Variants in DMD observed in about 807,000 individuals in gnomAD.
DMD encodes mutant dystrophin.
Under a neutral mutation model 330.1 loss-of-function variants are expected in DMD, and 63 were observed. That is an observed-to-expected ratio of 0.19 (90% CI 0.16 to 0.24). DMD has a LOEUF of 0.24. Among genes scored for constraint, DMD ranks in the 10% least tolerant of loss-of-function variants. The probability of loss-of-function intolerance (pLI) is 1.00; values close to 1 mark genes in which losing one functional copy is unlikely to be tolerated. For synonymous variants in DMD, 1,223 were observed against 959.8 expected, an observed-to-expected ratio of 1.27 and a Z score of -5.07; for missense variants, 3,344 against 2,684.1, an observed-to-expected ratio of 1.25 and a Z score of -5.43.
intron 5 of DMD, among the ~76,000 whole-genome samples, chrX:32,820,575 A>T (rs1231159726): frequency 8.9e-6 from 1 of 112,397 alleles, no homozygotes; most frequent in Non-Finnish European, 1.9e-5. Flanking sequence ...GGATATTTTT[A>T]AAAATGGTAA....
chrX:31,603,297 T>A (rs1307629151), intron 55 of DMD, among the ~76,000 whole-genome samples: 3 of 111,561 alleles, frequency 2.7e-5, no homozygotes, highest in African/African-American at 9.8e-5. Context: ...TTGTTTATTG[T>A]GCAGCAAAAT....
At chrX:32,788,707 A>C (rs112668494) in intron 7 of DMD, among the ~76,000 whole-genome samples, 3,889 of 107,740 alleles carry the variant, frequency 0.036, 57 homozygotes, top group Non-Finnish European at 0.051. Context: ...AATTCAACCT[A>C]TTTATGGCAT....
At chrX:31,515,752 C>T (rs1031290159) in intron 55 of DMD, among the ~76,000 whole-genome samples, 11 of 111,571 alleles carry the variant, frequency 9.9e-5, no homozygotes, top group Non-Finnish European at 1.9e-4. Flanking sequence ...CATCAGTAGC[C>T]CTTGAAGGCA....
chrX:32,408,483 C>T (rs1704206007), intron 30 of DMD, among the ~76,000 whole-genome samples: 1 of 111,587 alleles, frequency 9.0e-6, no homozygotes. Flanking sequence ...TCCTTAGTGC[C>T]ATAGCTTTTA....
chrX:32,809,919 CAAAAAAAAAAAAAA>C (rs55898363), intron 6 of DMD, among the ~76,000 whole-genome samples: 217 of 28,662 alleles, frequency 7.6e-3, no homozygotes, highest in African/African-American at 0.025. Context: ...TTGTTTCTAC[CAAAAAAAAAAAAAA>C]AAAAAAAAAA....
At chrX:32,160,966 T>C (rs920872701) in intron 44 of DMD, among the ~76,000 whole-genome samples, 1 of 111,751 alleles carries the variant, frequency 8.9e-6, no homozygotes, top group African/African-American at 3.3e-5. Flanking sequence ...CCTACTTATG[T>C]GGAGTCTCTG....
chrX:33,009,307 C>CAT lies in DMD; in HGVS notation c.93+10830_93+10831dup, dbSNP rs763859983. Among the ~76,000 whole-genome samples, 10 of 24,623 alleles carry CAT rather than the reference C, an allele frequency of 4.1e-4. 1 individual carries two copies. Among genetic ancestry groups the CAT allele is most frequent in the African/African-American group, 1.6e-3 (10 of 6,232 alleles). 21.4% of individuals were successfully genotyped at this position (24,623 alleles called of 115,157 possible). A position where few individuals can be genotyped will look rare whatever the true frequency, so the allele number is the denominator to read the frequency against. On this transcript the variant is annotated intron_variant, in intron 2 of 78. Coordinates refer to ENST00000357033, the MANE Select transcript of DMD (RefSeq NM_004006.3). ...GTATGTGTGTATATGTGTATATACA[C>CAT]ATGTGTGTATATGTGTATATGTGTA...
At chrX:32,300,666 C>T (rs2097519510) in intron 42 of DMD, among the ~76,000 whole-genome samples, 1 of 111,276 alleles carries the variant, frequency 9.0e-6, no homozygotes, top group African/African-American at 3.3e-5. Flanking sequence ...GACTCACATG[C>T]ATGGCAAAGG....
intron 2 of DMD, among the ~76,000 whole-genome samples, chrX:32,890,192 T>G (rs2085062462): frequency 9.0e-6 from 1 of 111,297 alleles, no homozygotes; most frequent in Non-Finnish European, 1.9e-5. Context: ...AGAAGCAGCC[T>G]GCAAATGTGA....
At chrX:32,332,469 T>G in intron 41 of DMD, among the ~76,000 whole-genome samples, 1 of 99,294 alleles carries the variant, frequency 1.0e-5, no homozygotes, top group South Asian at 4.4e-4. Flanking sequence ...ATGAGAAAGA[T>G]TCATTGAAAA....
At chrX:31,214,996 C>T (rs1235229498) in intron 64 of DMD, among the ~76,000 whole-genome samples, 1 of 81,154 alleles carries the variant, frequency 1.2e-5, no homozygotes, top group African/African-American at 4.9e-5. Context: ...GGCTGGAGGA[C>T]AGTGGCGCGA....
At chrX:32,049,339 G>T (rs1324882103) in intron 44 of DMD, among the ~76,000 whole-genome samples, 1 of 111,498 alleles carries the variant, frequency 9.0e-6, no homozygotes, top group Non-Finnish European at 1.9e-5. Context: ...TCCATTGTTG[G>T]TAAGGGGTGC....
intron 63 of DMD, among the ~76,000 whole-genome samples, chrX:31,248,179 C>A (rs777109078): frequency 7.1e-5 from 8 of 112,206 alleles, no homozygotes; most frequent in Non-Finnish European, 1.3e-4. Context: ...AATGCTGTTG[C>A]ACACTTACTA....
chrX:31,378,347 C>A (rs750241939), intron 60 of DMD, among the ~76,000 whole-genome samples: 17 of 111,105 alleles, frequency 1.5e-4, no homozygotes, highest in African/African-American at 5.2e-4. Context: ...ACTCTCTCCT[C>A]CAACCTCTCA....
At chrX:31,264,505 A>G (rs1171048381) in intron 62 of DMD, among the ~76,000 whole-genome samples, 1 of 112,073 alleles carries the variant, frequency 8.9e-6, no homozygotes, top group Non-Finnish European at 1.9e-5. Flanking sequence ...TAATCCTTAA[A>G]ACGCTCTTTA....
chrX:32,295,222 G>A (rs1445318556), intron 42 of DMD, among the ~76,000 whole-genome samples: 1 of 111,813 alleles, frequency 8.9e-6, no homozygotes, highest in Non-Finnish European at 1.9e-5. Context: ...AAAGGCATCT[G>A]TACACGAATT....
intron 50 of DMD, among the ~76,000 whole-genome samples, chrX:31,818,284 A>C (rs1395965482): frequency 1.8e-5 from 2 of 112,258 alleles, no homozygotes; most frequent in African/African-American, 3.2e-5. Context: ...CTTTTATTCT[A>C]TGCTGTACTC....
intron 48 of DMD, among the ~76,000 whole-genome samples, chrX:31,845,373 A>C (rs2093399786): frequency 2.0e-5 from 1 of 50,216 alleles, no homozygotes; most frequent in Non-Finnish European, 4.1e-5. Context: ...GGACAGAATA[A>C]AGTCTCTCTC....
chrX:32,628,663 C>A (rs1400644662), intron 11 of DMD, among the ~76,000 whole-genome samples: 3 of 110,494 alleles, frequency 2.7e-5, no homozygotes, highest in Admixed American at 1.9e-4. Context: ...TACCTATAAA[C>A]TTTCCTCATA....
Sources: gnomAD v4.1 joint callset for allele counts (sites outside exome capture counted in the v4.1 genomes callset) on GRCh38, gnomAD v4.1.1 for gene constraint, MANE v1.5 for transcripts, NCBI Gene and HGNC (gene_info 2026-07-23, HGNC 2026-07-21) for gene names.